Variants in RYR2 observed in about 807,000 individuals in gnomAD.
RYR2 encodes the protein cardiac muscle ryanodine receptor-calcium release channel.
RYR2 carries 227 observed loss-of-function variants against 601.1 expected under a neutral mutation model. The ratio of observed to expected loss-of-function variants is 0.38; its 90% CI spans 0.34 to 0.42. RYR2 has a LOEUF of 0.42. Among genes scored for constraint, RYR2 ranks in the 10% least tolerant of loss-of-function variants. The probability of loss-of-function intolerance (pLI) is 1.00; values close to 1 mark genes in which losing one functional copy is unlikely to be tolerated. For missense variants in RYR2, 4,646 were observed against 6,156.5 expected (o/e 0.75, Z 8.21); for synonymous variants, 2,223 against 2,175.1 (o/e 1.02, Z -0.61).
chr1:237,640,318 A>G (rs1438930077), intron 46 of RYR2, among the ~76,000 whole-genome samples: 1 of 152,188 alleles, frequency 6.6e-6, no homozygotes, highest in Non-Finnish European at 1.5e-5. Context: ...TCAGCAAGAG[A>G]ACATGTAATT....
Position 237,469,077 on chromosome 1 carries a change from TTTC to T in RYR2, c.1613-9_1613-7del. 6.2e-7 allele frequency: 1 copy of T among 1,608,974 alleles called. No homozygotes were observed. Among genetic ancestry groups the T allele is most frequent in the African/African-American group, 1.3e-5 (1 of 74,900 alleles). On this transcript the variant is annotated splice_polypyrimidine_tract_variant and intron_variant, in intron 16 of 104. Transcript: ENST00000366574. ...GAAAATCACATAAAGGTGAAATCTA[TTTC>T]TTCTTTTGCAGCGGCTCTAATTAGA... is the stretch of plus-strand genomic sequence containing the variant.
chr1:237,137,098 G>A (rs935251437), intron 1 of RYR2, among the ~76,000 whole-genome samples: 4 of 151,790 alleles, frequency 2.6e-5, no homozygotes, highest in African/African-American at 9.7e-5. Context: ...ACTGTTCATG[G>A]GCTATACTAT....
chr1:237,257,263 T>A (rs573870584), intron 1 of RYR2, among the ~76,000 whole-genome samples: 7 of 152,332 alleles, frequency 4.6e-5, no homozygotes, highest in African/African-American at 1.7e-4. Flanking sequence ...ACTCTTACAA[T>A]GGCTCTTTCT....
intron 27 of RYR2, among the ~76,000 whole-genome samples, chr1:237,564,561 C>T (rs2010431): frequency 0.047 from 7,215 of 152,118 alleles, 244 homozygotes; most frequent in East Asian, 0.13. Flanking sequence ...TGAGCCACCG[C>T]GACCCGCCAA....
rs975710456 is a variant in RYR2 at position 237,649,897 on chromosome 1, C to T, written c.7533C>T (p.Asp2511=). 23 of 1,613,938 alleles carry T rather than the reference C, an allele frequency of 1.4e-5. No homozygotes were observed. The highest frequency in any genetic ancestry group is 1.9e-5 in the Non-Finnish European group (23 of 1,179,870). ...SLDTAALSAT[D]MALALNRYLC... is the part of the protein sequence containing the mutation. The stretch of plus-strand genomic sequence containing the variant: ...TTCAGGCAGCTTTGAGTGCTACAGA[C>T]ATGGCCTTGGCCCTCAATCGGTACC... The change falls in exon 50 of 105, where the codon GAC becomes GAT. Residue 2511 remains aspartate (D), a synonymous_variant. Transcript: ENST00000366574.
At chr1:237,145,313 G>A (rs1673891155) in intron 1 of RYR2, among the ~76,000 whole-genome samples, 2 of 152,122 alleles carry the variant, frequency 1.3e-5, no homozygotes, top group African/African-American at 4.8e-5. Flanking sequence ...AGACACCTAT[G>A]TGGTTGCATT....
chr1:237,784,846 C>T lies in RYR2; in HGVS notation c.13134C>T (p.Asp4378=), dbSNP rs1695418135. The change falls in exon 90 of 105, where the codon GAC becomes GAT. Residue 4378 remains aspartate, a synonymous_variant. Transcript: ENST00000366574. This position sits in a 1 kb window ranked among gnomAD's most constrained non-coding sequence, Gnocchi z 7.1. ...CAGAGGAAAGTGACCTTCTTTCGGA[C>T]ATCTTTGGCCTGGATCTGAAGAGAG... ...ELTEESDLLS[D]IFGLDLKREG... 2 of 1,613,844 alleles carry T rather than the reference C, an allele frequency of 1.2e-6. No individual in the cohort carries two copies. The highest frequency in any genetic ancestry group is 1.7e-6 in the Non-Finnish European group (2 of 1,179,848).
At chr1:237,362,152 C>G (rs2149716773) in intron 4 of RYR2, among the ~76,000 whole-genome samples, 1 of 152,316 alleles carries the variant, frequency 6.6e-6, no homozygotes, top group South Asian at 2.1e-4. Context: ...TAATCTAAAC[C>G]TGGGACACTG....
chr1:237,564,398 T>C lies in RYR2; in HGVS notation c.3215-2169T>C, dbSNP rs564058394. Among the ~76,000 whole-genome samples, 358 of 152,224 alleles carry C rather than the reference T, an allele frequency of 2.4e-3. 1 individual carries two copies. Among genetic ancestry groups the C allele is most frequent in the African/African-American group, 4.1e-3 (169 of 41,520 alleles). The stretch of plus-strand genomic sequence containing the variant: ...CAGTTCTCCTGCTCAGCCTCCCAAG[T>C]AGCTGGGATTACAGGCATATGCCAC... On this transcript the variant is annotated intron_variant, in intron 27 of 104. Coordinates refer to ENST00000366574, the MANE Select transcript of RYR2 (RefSeq NM_001035.3).
chr1:237,361,683 T>TG (rs1699792938), intron 4 of RYR2, among the ~76,000 whole-genome samples: 1 of 152,202 alleles, frequency 6.6e-6, no homozygotes, highest in South Asian at 2.1e-4. Context: ...GCGTTCCTTT[T>TG]TAAAAATCAG....
At chr1:237,501,814 A>AT in intron 21 of RYR2, among the ~76,000 whole-genome samples, 1 of 151,762 alleles carries the variant, frequency 6.6e-6, no homozygotes, top group Non-Finnish European at 1.5e-5. Context: ...GCTTTTCTTT[A>AT]TTTTTTTGGA....
At chr1:237,102,134 A>G (rs1363143191) in intron 1 of RYR2, among the ~76,000 whole-genome samples, 1 of 152,136 alleles carries the variant, frequency 6.6e-6, no homozygotes, top group Non-Finnish European at 1.5e-5. Context: ...GCTTCGTGGT[A>G]GACTGGGGCT....
intron 12 of RYR2, among the ~76,000 whole-genome samples, chr1:237,435,190 G>A (rs543225711): frequency 6.6e-6 from 1 of 152,314 alleles, no homozygotes; most frequent in Admixed American, 6.5e-5. Context: ...TGAAAATAAA[G>A]GTAGAGGTGA....
chr1:237,301,397 C>T (rs1239403022), intron 2 of RYR2, among the ~76,000 whole-genome samples: 1 of 152,090 alleles, frequency 6.6e-6, no homozygotes, highest in Non-Finnish European at 1.5e-5. Flanking sequence ...GATTAGCATA[C>T]TGTAGGAACT....
chr1:237,581,115 C>G (rs1673870703), intron 29 of RYR2, among the ~76,000 whole-genome samples: 1 of 152,208 alleles, frequency 6.6e-6, no homozygotes. Context: ...AAGAGCTAAC[C>G]ATATCCTTAA....
rs547610648 is a variant in RYR2, at chr1:237,322,017, A to G, written c.169-8861A>G. ...TCAAAGTGTATGCTTTTATTGAAAA[A>G]CCTAGCAATTTAATTTTATTAATTT... is the stretch of plus-strand genomic sequence containing the variant. On this transcript the variant is annotated intron_variant, in intron 2 of 104. Coordinates refer to ENST00000366574, the MANE Select transcript of RYR2 (RefSeq NM_001035.3). Among the ~76,000 whole-genome samples the G allele has an allele frequency of 3.9e-5, 6 of 152,180 alleles. No individual in the cohort carries two copies. In the East Asian group the frequency reaches 1.2e-3, roughly 29 times the overall value.
chr1:237,457,899 C>T (rs1327372389), intron 16 of RYR2, among the ~76,000 whole-genome samples: 1 of 152,160 alleles, frequency 6.6e-6, no homozygotes, highest in Non-Finnish European at 1.5e-5. Context: ...ACATTGTTCA[C>T]ATTTCTATAT....
At chr1:237,083,947 C>T (rs1666022254) in intron 1 of RYR2, among the ~76,000 whole-genome samples, 1 of 152,190 alleles carries the variant, frequency 6.6e-6, no homozygotes. Flanking sequence ...TTCAGGTGTT[C>T]TGTGGACACA....
At chr1:237,526,934 G>T (rs1667650178) in intron 24 of RYR2, among the ~76,000 whole-genome samples, 1 of 152,068 alleles carries the variant, frequency 6.6e-6, no homozygotes, top group African/African-American at 2.4e-5. Flanking sequence ...TTTTCTTCTA[G>T]GTCTTACATT....
Sources: allele counts gnomAD v4.1 joint callset (sites outside exome capture counted in the v4.1 genomes callset), GRCh38; gene constraint gnomAD v4.1.1; non-coding constraint Gnocchi (gnomAD v3.1); transcripts MANE v1.5; gene names NCBI Gene and HGNC (gene_info 2026-07-23, HGNC 2026-07-21).